Variants in CUL5 observed in about 807,000 individuals in gnomAD.
The protein encoded by CUL5 is cullin 5, also known as cullin-5.
Under a neutral mutation model 108.8 loss-of-function variants are expected in CUL5, and 26 were observed. The ratio of observed to expected loss-of-function variants is 0.24; its 90% CI spans 0.18 to 0.33. The LOEUF is 0.33. Among genes scored for constraint, CUL5 ranks in the 10% least tolerant of loss-of-function variants. The pLI, the probability that CUL5 is intolerant of heterozygous loss-of-function variation, is 1.00. For missense variants in CUL5, 524 were observed against 909.2 expected (o/e 0.58, Z 5.45); for synonymous variants, 334 against 298.0 (o/e 1.12, Z -1.25).
chr11:108,026,139 A>G (rs1194231754), intron 1 of CUL5, among the ~76,000 whole-genome samples: 2 of 152,048 alleles, frequency 1.3e-5, no homozygotes, highest in African/African-American at 2.4e-5. Context: ...GTTCCCTTCA[A>G]TACACTTTTT....
intron 13 of CUL5, among the ~76,000 whole-genome samples, chr11:108,090,464 CTG>C (rs1864323889): frequency 6.6e-6 from 1 of 151,998 alleles, no homozygotes; most frequent in East Asian, 1.9e-4. Flanking sequence ...GAACTCCAGC[CTG>C]GGTGACAGAG....
At chr11:108,028,241 T>G (rs1362906865) in intron 1 of CUL5, among the ~76,000 whole-genome samples, 1 of 152,252 alleles carries the variant, frequency 6.6e-6, no homozygotes. Flanking sequence ...CTTTCCTTAA[T>G]AAGCCTGTCA....
intron 16 of CUL5, 78 bp downstream of exon 16, chr11:108,095,769 A>G (rs1427071066): frequency 3.2e-6 from 4 of 1,242,930 alleles, no homozygotes; most frequent in South Asian, 1.4e-5. Flanking sequence ...GTAATATATT[A>G]GTAAATTCAT....
chr11:108,046,164 T>G (rs542185702), intron 2 of CUL5, 106 bp from the exon 3 acceptor site: 162 of 657,784 alleles, frequency 2.5e-4, no homozygotes, highest in Non-Finnish European at 3.6e-4. Flanking sequence ...CACCATTTAC[T>G]TGGTTCTAAT....
chr11:108,052,750 T>C lies in CUL5; in HGVS notation c.502T>C (p.Leu168=). The C allele has an allele frequency of 6.2e-7, 1 of 1,613,774 alleles. No homozygotes were observed. Among genetic ancestry groups the C allele is most frequent in the Non-Finnish European group, 8.5e-7 (1 of 1,179,786 alleles). Reference sequence around the variant, plus strand: ...AATGAAGCTGGTACATGCTGAGAGATTGGGAGAAGCTTTTGATTCTCAGCT... The same window carrying C: ...AATGAAGCTGGTACATGCTGAGAGACTGGGAGAAGCTTTTGATTCTCAGCT... ...SAMKLVHAER[L]GEAFDSQLVI... The change falls in exon 5 of 19, where the codon TTG becomes CTG. Residue 168 remains leucine (L), a synonymous_variant. Coordinates refer to ENST00000393094, the MANE Select transcript of CUL5 (RefSeq NM_003478.6).
intron 1 of CUL5, among the ~76,000 whole-genome samples, chr11:108,015,678 A>C (rs773747233): frequency 2.6e-5 from 4 of 152,238 alleles, no homozygotes; most frequent in Non-Finnish European, 5.9e-5. Context: ...TGGACTAATC[A>C]GTAACTGTAA....
At chr11:108,052,952 A>T in intron 5 of CUL5, 151 bp downstream of exon 5, 1 of 566,506 alleles carries the variant, frequency 1.8e-6, no homozygotes, top group South Asian at 3.8e-5. Flanking sequence ...GCAAATGATA[A>T]TTCTGCTTAA....
chr11:108,088,744 C>A, intron 12 of CUL5, 85 bp downstream of exon 12: 3 of 1,030,196 alleles, frequency 2.9e-6, no homozygotes, highest in Non-Finnish European at 4.1e-6. Context: ...GTGATAGTAT[C>A]AATTTAAAAA....
intron 1 of CUL5, among the ~76,000 whole-genome samples, chr11:108,032,404 A>T (rs1862612532): frequency 6.6e-6 from 1 of 152,108 alleles, no homozygotes; most frequent in African/African-American, 2.4e-5. Context: ...GCTACTTGGG[A>T]GGATCAGGCA....
chr11:108,041,694 G>A (rs1411289146), intron 2 of CUL5, among the ~76,000 whole-genome samples: 4 of 151,978 alleles, frequency 2.6e-5, no homozygotes, highest in South Asian at 2.1e-4. Flanking sequence ...GAGTTCAAGC[G>A]ATTCTCCTGC....
At chr11:108,037,827 G>A (rs1396055535) in intron 2 of CUL5, among the ~76,000 whole-genome samples, 1 of 152,208 alleles carries the variant, frequency 6.6e-6, no homozygotes, top group Non-Finnish European at 1.5e-5. Flanking sequence ...ATTAAGGAAT[G>A]ATGGGAATCC....
intron 10 of CUL5, among the ~76,000 whole-genome samples, chr11:108,076,837 G>A (rs1262870947): frequency 6.6e-6 from 1 of 152,208 alleles, no homozygotes; most frequent in Non-Finnish European, 1.5e-5. Context: ...ATGACACTCA[G>A]ATTCGTGTTC....
rs768226352 is a variant in CUL5, at chr11:108,054,630, T to G, written c.554-17T>G. ...TTTGATCATAATTGGAGTAATACTTTATTTTCTGTTTTTCAGTTAACCTTT... is the reference window on the plus strand; with the variant it reads ...TTTGATCATAATTGGAGTAATACTTGATTTTCTGTTTTTCAGTTAACCTTT... On this transcript the variant is annotated splice_polypyrimidine_tract_variant and intron_variant, in intron 5 of 18. Coordinates refer to ENST00000393094, the MANE Select transcript of CUL5 (RefSeq NM_003478.6). 1.3e-6 allele frequency: 2 copies of G among 1,507,454 alleles called. No individual in the cohort carries two copies. The highest frequency in any genetic ancestry group is 1.8e-6 in the Non-Finnish European group (2 of 1,100,272). The allele number at this position is 1,507,454 out of a possible 1,614,324, so 93.4% of individuals were successfully genotyped here.
chr11:108,073,286 A>G (rs919799843), intron 9 of CUL5, 104 bp from the exon 10 acceptor site: 3 of 601,676 alleles, frequency 5.0e-6, no homozygotes, highest in Non-Finnish European at 8.8e-6. Flanking sequence ...AAGAAAAAAT[A>G]TCCCCAGTTT....
chr11:108,074,493 ACT>A (rs1863900497), intron 10 of CUL5, among the ~76,000 whole-genome samples: 1 of 150,280 alleles, frequency 6.7e-6, no homozygotes. Context: ...CTGTGCCCAG[ACT>A]CTTTTTGTCT....
At chr11:108,065,262 A>T (rs1237379852) in intron 7 of CUL5, among the ~76,000 whole-genome samples, 1 of 152,086 alleles carries the variant, frequency 6.6e-6, no homozygotes, top group Non-Finnish European at 1.5e-5. Context: ...TGACCTCATG[A>T]TCTGCCCACC....
chr11:108,039,473 A>G (rs1038140493), intron 2 of CUL5, among the ~76,000 whole-genome samples: 6 of 152,178 alleles, frequency 3.9e-5, no homozygotes, highest in Admixed American at 6.5e-5. Context: ...TTAGTTGAGA[A>G]CTGCTGCTCT....
At chr11:108,050,943 A>G (rs1427169940) in intron 4 of CUL5, among the ~76,000 whole-genome samples, 2 of 152,140 alleles carry the variant, frequency 1.3e-5, no homozygotes, top group Non-Finnish European at 2.9e-5. Context: ...CTCCGTCCTC[A>G]TTTTCCATAT....
chr11:108,087,639 T>C (rs978026140), intron 11 of CUL5, among the ~76,000 whole-genome samples: 13 of 152,174 alleles, frequency 8.5e-5, no homozygotes, highest in Admixed American at 6.5e-5. Context: ...TCTCAGTTAT[T>C]TTTTAAAAAA....
Sources: allele counts gnomAD v4.1 joint callset (sites outside exome capture counted in the v4.1 genomes callset), GRCh38; gene constraint gnomAD v4.1.1; transcripts MANE v1.5; gene names NCBI Gene and HGNC (gene_info 2026-07-23, HGNC 2026-07-21).